HADHA: variants seen among roughly 807,000 people sequenced by gnomAD.
HADHA encodes trifunctional enzyme subunit alpha, mitochondrial.
HADHA carries 59 observed loss-of-function variants against 91.3 expected under a neutral mutation model. The observed-to-expected ratio is 0.65, with a 90% CI of 0.52 to 0.80. HADHA has a LOEUF of 0.80. Ranked by LOEUF, HADHA falls within the 30% of genes least tolerant of loss-of-function variation. The pLI is 0.00. For synonymous variants in HADHA, 320 were observed against 338.9 expected (o/e 0.94, Z 0.61); for missense variants, 800 against 927.6 (o/e 0.86, Z 1.79).
At chr2:26,213,589 AC>A (rs1670153118) in intron 9 of HADHA, among the ~76,000 whole-genome samples, 2 of 151,662 alleles carry the variant, frequency 1.3e-5, no homozygotes, top group Admixed American at 1.3e-4. Context: ...TCCCTCCTTC[AC>A]CTATCCTCCA....
intron 10 of HADHA, 102 bp downstream of exon 10, chr2:26,212,468 C>A: frequency 2.4e-6 from 2 of 849,726 alleles, no homozygotes; most frequent in East Asian, 5.1e-5. Flanking sequence ...AAAATTTTTA[C>A]TAGGCTTTGG....
chr2:26,232,393 C>A, intron 5 of HADHA, 114 bp from the exon 6 acceptor site: 2 of 756,824 alleles, frequency 2.6e-6, no homozygotes, highest in Non-Finnish European at 4.7e-6. Flanking sequence ...ACAGAATAAA[C>A]TGAAATTCCT....
chr2:26,205,162 A>AGG (rs1669941034), intron 11 of HADHA, among the ~76,000 whole-genome samples: 1 of 152,194 alleles, frequency 6.6e-6, no homozygotes, highest in Non-Finnish European at 1.5e-5. Flanking sequence ...TATTCATTTT[A>AGG]GTTCCCTATA....
intron 12 of HADHA, among the ~76,000 whole-genome samples, chr2:26,203,189 T>C (rs1669889228): frequency 6.6e-6 from 1 of 152,214 alleles, no homozygotes; most frequent in African/African-American, 2.4e-5. Context: ...ACCTGCCAGG[T>C]CCTGGTTAGC....
At position 26,201,546 on chromosome 2, in the gene HADHA, T is replaced by C. The variant is rs191747426; in HGVS notation, c.1221-226A>G. On this transcript the variant is annotated intron_variant, in intron 12 of 19. Transcript: ENST00000380649. ...ATTCAAAGACATGTTAACTCCCAAG[T>C]ACACATTCTTTCTACCATAGAATGC... Among the ~76,000 whole-genome samples, 3 of 152,322 alleles carry C rather than the reference T, an allele frequency of 2.0e-5. No homozygotes were observed. In the East Asian group the frequency reaches 5.8e-4, roughly 29 times the overall value.
In HADHA at chr2:26,234,456, A is replaced by G. The variant is rs532648216; in HGVS notation, c.315-101T>C. On this transcript the variant is annotated intron_variant, in intron 4 of 19. Coordinates refer to ENST00000380649, the MANE Select transcript of HADHA (RefSeq NM_000182.5). ...TACACTTATCCTATCATGCATCAAT[A>G]TTTGATGACAAATCTTCAAATAGAA... 2.2e-5 allele frequency: 22 copies of G among 991,914 alleles called. No homozygotes were observed. The African/African-American group carries it at 3.5e-4, about 16-fold the overall frequency. 61.4% of individuals were successfully genotyped at this position (991,914 alleles called of 1,614,324 possible).
At position 26,215,632 on chromosome 2, in the gene HADHA, T is replaced by C. The variant is rs76513658; in HGVS notation, c.677-457A>G. The stretch of plus-strand genomic sequence containing the variant: ...ACTGATGATTGCTGATCATTTTCTT[T>C]TCAGGGATGTGTAATGCTTTTGGGC... On this transcript the variant is annotated intron_variant, in intron 7 of 19. Transcript: ENST00000380649. 1.1e-4 allele frequency among the ~76,000 whole-genome samples: 16 copies of C among 152,298 alleles called. No homozygotes were observed. In the East Asian group the frequency reaches 3.1e-3, roughly 29 times the overall value.
At chr2:26,206,614 G>T (rs1003172111) in intron 11 of HADHA, among the ~76,000 whole-genome samples, 3 of 152,006 alleles carry the variant, frequency 2.0e-5, no homozygotes, top group African/African-American at 4.8e-5. Flanking sequence ...CTTTTGGGGG[G>T]GTTCTTTGGT....
intron 1 of HADHA, among the ~76,000 whole-genome samples, chr2:26,244,201 C>A (rs1671011293): frequency 6.6e-6 from 1 of 152,278 alleles, no homozygotes. Context: ...GATCCCGATT[C>A]TCCTGGAACT....
chr2:26,232,078 T>C (rs754142918), intron 6 of HADHA, 82 bp downstream of exon 6: 29 of 965,394 alleles, frequency 3.0e-5, no homozygotes, highest in Non-Finnish European at 4.8e-5. Flanking sequence ...AATTCTACAA[T>C]GAATGCCCAT....
intron 1 of HADHA, among the ~76,000 whole-genome samples, chr2:26,241,653 A>G (rs980850514): frequency 3.3e-5 from 5 of 151,314 alleles, no homozygotes; most frequent in African/African-American, 1.2e-4. Context: ...TCCGTCTCCA[A>G]AAAAAAAACC....
intron 1 of HADHA, among the ~76,000 whole-genome samples, chr2:26,244,310 G>C (rs905563350): frequency 6.6e-6 from 1 of 152,254 alleles, no homozygotes; most frequent in African/African-American, 2.4e-5. Context: ...AGAAAGTTGG[G>C]GAGTTAGGAA....
Position 26,214,551 on chromosome 2 carries a change from C to G in HADHA, c.810G>C (p.Ala270=). The part of the protein sequence containing the change: ...RDKGLVEKLT[A]YAMTIPFVRQ... ...TGACAAATGGAATAGTCATGGCATACGCTGTCAATTCTGTAAAATAAAATG... is the reference window on the plus strand; with the variant it reads ...TGACAAATGGAATAGTCATGGCATAGGCTGTCAATTCTGTAAAATAAAATG... Residue 270 remains alanine, a synonymous_variant, in exon 9 of 20, where the codon GCG becomes GCC. Coordinates refer to ENST00000380649, the MANE Select transcript of HADHA (RefSeq NM_000182.5). The surrounding 1 kb of genome is among the most constrained non-coding windows in gnomAD (Gnocchi z 4.1). The G allele has an allele frequency of 6.4e-7, 1 of 1,559,538 alleles. No homozygotes were observed. Among genetic ancestry groups the G allele is most frequent in the South Asian group, 1.1e-5 (1 of 89,978 alleles).
chr2:26,192,204 C>T (rs1284481448), intron 18 of HADHA, 106 bp downstream of exon 18: 3 of 694,902 alleles, frequency 4.3e-6, no homozygotes, highest in East Asian at 2.6e-5. Context: ...ACATGTATCC[C>T]AGGACTTAAA....
At chr2:26,219,264 G>T (rs901439204) in intron 7 of HADHA, among the ~76,000 whole-genome samples, 7 of 151,790 alleles carry the variant, frequency 4.6e-5, no homozygotes, top group African/African-American at 1.7e-4. Flanking sequence ...AAGTAGCTGG[G>T]ATTACAGATG....
intron 1 of HADHA, among the ~76,000 whole-genome samples, chr2:26,239,553 T>C (rs1401314621): frequency 6.6e-6 from 1 of 152,118 alleles, no homozygotes. Flanking sequence ...TGGGAACTAC[T>C]GACTGGAGAA....
Position 26,234,315 on chromosome 2 carries a change from G to T in HADHA, c.355C>A (p.Leu119Ile). 6.2e-7 allele frequency: 1 copy of T among 1,612,850 alleles called. No homozygotes were observed. Among genetic ancestry groups the T allele is most frequent in the South Asian group, 1.1e-5 (1 of 91,056 alleles). Reference protein sequence around the residue: ...ACKTLQEVTQLSQEAQRIVEK... With the variant: ...ACKTLQEVTQISQEAQRIVEK... ...ACTATTCTCTGTGCTTCTTGTGATA[G>T]CTGTGTTACTTCTTGAAGGGTCTTG... The change falls in exon 5 of 20, where the codon CTA (leucine) becomes ATA (isoleucine). Residue 119 changes from leucine (L) to isoleucine (I), a missense_variant. By Grantham distance (5) the Leu-to-Ile change is conservative. Transcript: ENST00000380649.
chr2:26,233,736 C>T (rs949458897), intron 5 of HADHA, among the ~76,000 whole-genome samples: 6 of 152,190 alleles, frequency 3.9e-5, no homozygotes, highest in African/African-American at 1.4e-4. Flanking sequence ...GTGCCACTTG[C>T]TCTGTGTCAT....
chr2:26,212,877 C>T (rs540789677), intron 9 of HADHA, among the ~76,000 whole-genome samples: 1 of 152,290 alleles, frequency 6.6e-6, no homozygotes, highest in East Asian at 1.9e-4. Context: ...ACTCTTCCGG[C>T]TTCTCTCCTG....
Sources: gnomAD v4.1 joint callset for allele counts (sites outside exome capture counted in the v4.1 genomes callset) on GRCh38, gnomAD v4.1.1 for gene constraint, Gnocchi (gnomAD v3.1) non-coding constraint, MANE v1.5 for transcripts, NCBI Gene and HGNC (gene_info 2026-07-23, HGNC 2026-07-21) for gene names.